The following DSCAML1 variants were observed in gnomAD, a reference collection of about 807,000 sequenced individuals.
DSCAML1 encodes the protein cell adhesion molecule DSCAML1.
Under a neutral mutation model 200.5 loss-of-function variants are expected in DSCAML1, and 38 were observed. The observed-to-expected ratio is 0.19, with a 90% CI of 0.15 to 0.25. DSCAML1 has a LOEUF of 0.25. Among genes scored for constraint, DSCAML1 ranks in the 10% least tolerant of loss-of-function variants. The pLI, the probability that DSCAML1 is intolerant of heterozygous loss-of-function variation, is 1.00. For synonymous variants in DSCAML1, 1,215 were observed against 1,165.0 expected (o/e 1.04, Z -0.87); for missense variants, 2,223 against 2,858.8 (o/e 0.78, Z 5.07).
At chr11:117,634,756 C>T (rs2052243559) in intron 3 of DSCAML1, among the ~76,000 whole-genome samples, 1 of 152,224 alleles carries the variant, frequency 6.6e-6, no homozygotes, top group Non-Finnish European at 1.5e-5. Flanking sequence ...GCAAGGTGGT[C>T]CCCTACTCCT....
At chr11:117,602,651 G>A (rs958953129) in intron 3 of DSCAML1, among the ~76,000 whole-genome samples, 2 of 151,970 alleles carry the variant, frequency 1.3e-5, no homozygotes, top group Admixed American at 6.6e-5. Context: ...GAGAGCCACC[G>A]TAGTAGGCCC....
intron 8 of DSCAML1, among the ~76,000 whole-genome samples, chr11:117,508,305 C>T (rs572546428): frequency 2.6e-5 from 4 of 152,278 alleles, no homozygotes; most frequent in South Asian, 2.1e-4. Flanking sequence ...GATTAGGGCA[C>T]GTATCACATG....
Position 117,613,652 on chromosome 11 carries a change from C to T in DSCAML1, c.512-81130G>A, listed in dbSNP as rs1225704386. Among the ~76,000 whole-genome samples the T allele has an allele frequency of 2.0e-5, 3 of 152,224 alleles. No homozygotes were observed. In the South Asian group the frequency reaches 6.2e-4, roughly 32 times the overall value. On this transcript the variant is annotated intron_variant, in intron 3 of 32. Transcript: ENST00000651296. The stretch of plus-strand genomic sequence containing the variant: ...GCCAGACCTAAATATAAGCCAGCCC[C>T]CTCCCTGCCAGGAGACTTTACCGCG...
intron 3 of DSCAML1, among the ~76,000 whole-genome samples, chr11:117,667,051 C>G (rs2052992211): frequency 6.6e-6 from 1 of 152,180 alleles, no homozygotes; most frequent in South Asian, 2.1e-4. Flanking sequence ...GTCCAAGGAG[C>G]AACACCCAGC....
chr11:117,514,422 G>GGCAGA (rs1323404535), intron 8 of DSCAML1, among the ~76,000 whole-genome samples: 1 of 151,904 alleles, frequency 6.6e-6, no homozygotes, highest in Non-Finnish European at 1.5e-5. Flanking sequence ...TTATTCCTAA[G>GGCAGA]GCAGAGCATG....
intron 1 of DSCAML1, among the ~76,000 whole-genome samples, chr11:117,804,840 G>A (rs901973567): frequency 6.6e-6 from 1 of 152,150 alleles, no homozygotes; most frequent in Admixed American, 6.5e-5. Flanking sequence ...TGAGGTGGGA[G>A]GATCTTCTGA....
chr11:117,731,378 C>G (rs943308489), intron 3 of DSCAML1, among the ~76,000 whole-genome samples: 1 of 152,296 alleles, frequency 6.6e-6, no homozygotes, highest in South Asian at 2.1e-4. Flanking sequence ...AAGCCATCCA[C>G]AAAGACTCCT....
chr11:117,553,611 AAAAC>A (rs1433587782), intron 3 of DSCAML1, among the ~76,000 whole-genome samples: 1 of 152,246 alleles, frequency 6.6e-6, no homozygotes, highest in East Asian at 1.9e-4. Flanking sequence ...CTATTATTAA[AAAAC>A]AAACCCAAAA....
rs542689005 is a variant in DSCAML1, at chr11:117,773,625, A to G, written c.511+3166T>C. 5.3e-5 allele frequency among the ~76,000 whole-genome samples: 8 copies of G among 152,218 alleles called. No individual in the cohort carries two copies. The South Asian group carries it at 1.7e-3, about 32-fold the overall frequency. Reference sequence around the variant, plus strand: ...TAGTGGAAAAAAATCCTATTTTTATAAAAAATCGAACTACTTTCATTTGCC... The same window carrying G: ...TAGTGGAAAAAAATCCTATTTTTATGAAAAATCGAACTACTTTCATTTGCC... On this transcript the variant is annotated intron_variant, in intron 3 of 32. Transcript: ENST00000651296.
intron 3 of DSCAML1, among the ~76,000 whole-genome samples, chr11:117,542,317 CAAA>C (rs766192841): frequency 5.3e-4 from 54 of 102,228 alleles, no homozygotes; most frequent in Middle Eastern, 8.8e-3. Flanking sequence ...CAAAACAAAA[CAAA>C]ACAAAACACA....
chr11:117,671,114 C>G (rs1002568889), intron 3 of DSCAML1, among the ~76,000 whole-genome samples: 13 of 152,352 alleles, frequency 8.5e-5, no homozygotes, highest in Admixed American at 7.2e-4. Flanking sequence ...CAGTCCACAG[C>G]TCCCCGAGAG....
chr11:117,805,825 TAGA>T (rs1301817434), intron 1 of DSCAML1, among the ~76,000 whole-genome samples: 8 of 151,936 alleles, frequency 5.3e-5, no homozygotes, highest in Admixed American at 2.0e-4. Flanking sequence ...TCCAGTGGAG[TAGA>T]AGATGTTTAA....
At chr11:117,458,475 G>A (rs1249514410) in intron 19 of DSCAML1, among the ~76,000 whole-genome samples, 1 of 152,238 alleles carries the variant, frequency 6.6e-6, no homozygotes, top group Non-Finnish European at 1.5e-5. Context: ...TGCCCATGGT[G>A]TGGGAGGAGA....
rs73014431 is a variant in DSCAML1 at position 117,701,766 on chromosome 11, C to T, written c.511+75025G>A. Among the ~76,000 whole-genome samples the T allele has an allele frequency of 3.7e-3, 558 of 152,298 alleles. 3 individuals carry two copies. Among genetic ancestry groups the T allele is most frequent in the Non-Finnish European group, 5.7e-3 (386 of 68,018 alleles). ...TCTGTCACCTACAGACCCTTTGTGG[C>T]GCTGCTGATGGTGCCTGGTTCTAAG... On this transcript the variant is annotated intron_variant, in intron 3 of 32. Coordinates refer to ENST00000651296, the MANE Select transcript of DSCAML1 (RefSeq NM_020693.4).
At chr11:117,491,149 G>GAGAGGCTGCTAAAATGCAAC (rs2049174510) in intron 11 of DSCAML1, among the ~76,000 whole-genome samples, 1 of 152,204 alleles carries the variant, frequency 6.6e-6, no homozygotes, top group Non-Finnish European at 1.5e-5. Context: ...GGGCTGCCGG[G>GAGAGGCTGCTAAAATGCAAC]AGAGGCTGCT....
chr11:117,495,994 G>A (rs1300326471), intron 11 of DSCAML1, among the ~76,000 whole-genome samples: 2 of 152,084 alleles, frequency 1.3e-5, no homozygotes, highest in African/African-American at 4.8e-5. Flanking sequence ...GCCTGCCTGG[G>A]CTTCCTGCCC....
intron 3 of DSCAML1, among the ~76,000 whole-genome samples, chr11:117,704,876 AAT>A (rs1232007719): frequency 2.0e-5 from 3 of 152,168 alleles, no homozygotes; most frequent in African/African-American, 4.8e-5. Context: ...GGTGGTGACT[AAT>A]AGAGAACTCT....
chr11:117,787,829 G>A (rs1012816543), intron 1 of DSCAML1, among the ~76,000 whole-genome samples: 3 of 152,164 alleles, frequency 2.0e-5, no homozygotes, highest in Non-Finnish European at 2.9e-5. Flanking sequence ...AGCTGGAGAG[G>A]TTTCTTGGAT....
At chr11:117,753,213 T>C (rs1201845796) in intron 3 of DSCAML1, among the ~76,000 whole-genome samples, 2 of 152,184 alleles carry the variant, frequency 1.3e-5, no homozygotes, top group Non-Finnish European at 2.9e-5. Flanking sequence ...CTTAGCACAG[T>C]GCATAAAGAA....
Sources: allele counts gnomAD v4.1 joint callset (sites outside exome capture counted in the v4.1 genomes callset), GRCh38; gene constraint gnomAD v4.1.1; transcripts MANE v1.5; gene names NCBI Gene and HGNC (gene_info 2026-07-23, HGNC 2026-07-21).